PDE10A: variants seen among roughly 807,000 people sequenced by gnomAD.
PDE10A encodes the protein phosphodiesterase 10A.
In PDE10A, 39 loss-of-function variants were observed where a neutral mutation model predicts 97.7. The observed-to-expected ratio is 0.40, with a 90% CI of 0.31 to 0.52. PDE10A has a LOEUF of 0.52. Ranked by LOEUF, PDE10A falls within the 20% of genes least tolerant of loss-of-function variation. The probability of loss-of-function intolerance (pLI) is 0.56; values close to 1 mark genes in which losing one functional copy is unlikely to be tolerated. For synonymous variants in PDE10A, 371 were observed against 376.8 expected, an observed-to-expected ratio of 0.98 and a Z score of 0.18; for missense variants, 731 against 1,047.8, an observed-to-expected ratio of 0.70 and a Z score of 4.17.
intron 1 of PDE10A, among the ~76,000 whole-genome samples, chr6:165,893,053 C>T (rs1041018548): frequency 1.3e-5 from 2 of 152,162 alleles, no homozygotes; most frequent in East Asian, 1.9e-4. Context: ...GTGGAATAGA[C>T]AGATGCATGA....
chr6:165,776,579 C>A (rs1446546099), intron 1 of PDE10A, among the ~76,000 whole-genome samples: 1 of 152,208 alleles, frequency 6.6e-6, no homozygotes, highest in Admixed American at 6.5e-5. Flanking sequence ...CTTACATTTG[C>A]AGAACACTCT....
At chr6:165,722,701 T>C (rs1792194449) in intron 1 of PDE10A, among the ~76,000 whole-genome samples, 1 of 152,166 alleles carries the variant, frequency 6.6e-6, no homozygotes, top group Non-Finnish European at 1.5e-5. Context: ...TGGGAGATGG[T>C]GTCTACTGTA....
rs374691519 is a variant in PDE10A, at chr6:165,885,225, G to A, written c.-615+102304C>T. On this transcript the variant is annotated intron_variant, in intron 1 of 19. Coordinates refer to the PDE10A transcript ENST00000366882. ...TGCTTTAAAGGACTACCGGAGACTG[G>A]GTAATTTATAAAGAAAAGACTCACA... Among the ~76,000 whole-genome samples the A allele has an allele frequency of 3.9e-5, 6 of 152,266 alleles. No individual in the cohort carries two copies. The South Asian group carries it at 1.2e-3, about 32-fold the overall frequency.
chr6:165,379,437 T>C, intron 17 of PDE10A, 71 bp from the exon 18 acceptor site: 1 of 1,234,640 alleles, frequency 8.1e-7, no homozygotes, highest in Non-Finnish European at 1.1e-6. Context: ...TTTTTAGTTA[T>C]TTGAAACTAT....
At chr6:165,426,233 G>A (rs1256779537) in intron 10 of PDE10A, among the ~76,000 whole-genome samples, 1 of 152,058 alleles carries the variant, frequency 6.6e-6, no homozygotes, top group Non-Finnish European at 1.5e-5. Flanking sequence ...GTACCCAGAA[G>A]AGCTAAAAGA....
At chr6:165,333,670 A>T (rs1781473437) in intron 21 of PDE10A, among the ~76,000 whole-genome samples, 2 of 152,230 alleles carry the variant, frequency 1.3e-5, no homozygotes, top group South Asian at 4.1e-4. Context: ...TTGTTACAGT[A>T]AAACCGTGTT....
intron 1 of PDE10A, among the ~76,000 whole-genome samples, chr6:165,625,415 C>T (rs1251505357): frequency 6.6e-6 from 1 of 152,200 alleles, no homozygotes; most frequent in African/African-American, 2.4e-5. Context: ...CCAAGAATGA[C>T]CTCAAAGACT....
rs1781287767 is a variant in PDE10A, at chr6:165,330,607, C to G, written c.*2418G>C. The G allele has an allele frequency of 6.6e-6, 1 of 152,102 alleles. No individual in the cohort carries two copies. The highest frequency in any genetic ancestry group is 1.5e-5 in the Non-Finnish European group (1 of 67,986). The allele number at this position is 152,102 out of a possible 1,614,324, so 9.4% of individuals were successfully genotyped here. A position where few individuals can be genotyped will look rare whatever the true frequency, so the allele number is the denominator to read the frequency against. Reference sequence around the variant, plus strand: ...CAAGAAATTAACCAACCAGTAAATCCAATCACATTCCTTTGGGAAACTGTT... The same window carrying G: ...CAAGAAATTAACCAACCAGTAAATCGAATCACATTCCTTTGGGAAACTGTT... On this transcript the variant is annotated 3_prime_UTR_variant, in exon 22 of 22. Transcript: ENST00000539869.
chr6:165,783,209 C>G lies in PDE10A; in HGVS notation c.-615+204320G>C, dbSNP rs183186245. On this transcript the variant is annotated intron_variant, in intron 1 of 19. Coordinates refer to the PDE10A transcript ENST00000366882. The stretch of plus-strand genomic sequence containing the variant: ...TTACTAGTGGCTGCTAAAGTAATAA[C>G]AGAGGGCACCTCATCACACTTGTCA... Among the ~76,000 whole-genome samples the G allele has an allele frequency of 4.1e-3, 629 of 152,316 alleles. 1 individual carries two copies. Among genetic ancestry groups the G allele is most frequent in the African/African-American group, 0.014 (594 of 41,562 alleles).
chr6:165,958,716 GAAGA>G (rs58415177), intron 1 of PDE10A, among the ~76,000 whole-genome samples: 35 of 58,838 alleles, frequency 5.9e-4, no homozygotes, highest in Middle Eastern at 7.5e-3. Context: ...AAGAAAGAGA[GAAGA>G]AAGAAAGAAA....
chr6:165,650,716 T>C (rs1324464351), intron 1 of PDE10A, among the ~76,000 whole-genome samples: 1 of 152,074 alleles, frequency 6.6e-6, no homozygotes, highest in Middle Eastern at 3.2e-3. Flanking sequence ...TATGTCTGAG[T>C]AATAAATATC....
At chr6:165,456,276 T>A (rs1777950564) in intron 3 of PDE10A, among the ~76,000 whole-genome samples, 1 of 152,200 alleles carries the variant, frequency 6.6e-6, no homozygotes, top group Non-Finnish European at 1.5e-5. Context: ...AACACCTAGA[T>A]CCAGCCAAGC....
At chr6:165,438,182 A>AT (rs1196345038) in intron 5 of PDE10A, among the ~76,000 whole-genome samples, 9 of 151,820 alleles carry the variant, frequency 5.9e-5, no homozygotes, top group African/African-American at 2.2e-4. Context: ...GCTTTTTTTA[A>AT]TTTTTAATTT....
Position 165,691,115 on chromosome 6 carries a change from C to CG in PDE10A, c.-614-147548_-614-147547insC, listed in dbSNP as rs1308047607. 9.4e-5 allele frequency among the ~76,000 whole-genome samples: 10 copies of CG among 106,716 alleles called. 1 individual carries two copies. The highest frequency in any genetic ancestry group is 1.4e-4 in the Non-Finnish European group (7 of 50,226). The allele number at this position is 106,716 out of a possible 152,430, so 70.0% of individuals were successfully genotyped here. ...TCTCTCTCTTTCTCTCTCCCCCCCCCCATCAGTGCCTGTGGTCACATAAGC... is the reference window on the plus strand; with the variant it reads ...TCTCTCTCTTTCTCTCTCCCCCCCCCGCATCAGTGCCTGTGGTCACATAAGC... On this transcript the variant is annotated intron_variant, in intron 1 of 19. Coordinates refer to the PDE10A transcript ENST00000366882.
At chr6:165,457,688 AAC>A (rs1778041491) in intron 3 of PDE10A, among the ~76,000 whole-genome samples, 1 of 152,308 alleles carries the variant, frequency 6.6e-6, no homozygotes, top group Admixed American at 6.5e-5. Flanking sequence ...GGGCATTTGG[AAC>A]ACAGTTTGGG....
intron 1 of PDE10A, among the ~76,000 whole-genome samples, chr6:165,727,039 G>A (rs1393923687): frequency 6.6e-6 from 1 of 152,202 alleles, no homozygotes; most frequent in African/African-American, 2.4e-5. Flanking sequence ...GAGCACGTGG[G>A]GATTCTCCTG....
At chr6:165,828,636 T>C (rs1779826057) in intron 1 of PDE10A, among the ~76,000 whole-genome samples, 1 of 152,234 alleles carries the variant, frequency 6.6e-6, no homozygotes, top group East Asian at 1.9e-4. Context: ...GTGGATAAGC[T>C]GCAGTTTGAA....
chr6:165,675,025 G>A (rs746621467), intron 1 of PDE10A, among the ~76,000 whole-genome samples: 7 of 152,186 alleles, frequency 4.6e-5, no homozygotes, highest in Non-Finnish European at 1.0e-4. Context: ...AAGCCTCAAC[G>A]TTTTCAAGCT....
intron 1 of PDE10A, among the ~76,000 whole-genome samples, chr6:165,800,235 A>G (rs1183444470): frequency 1.3e-5 from 2 of 152,006 alleles, no homozygotes; most frequent in Non-Finnish European, 1.5e-5. Flanking sequence ...GAAAAAAGAG[A>G]GCTTAGGTGT....
Sources: allele counts gnomAD v4.1 joint callset (sites outside exome capture counted in the v4.1 genomes callset), GRCh38; gene constraint gnomAD v4.1.1; transcripts MANE v1.5; gene names NCBI Gene and HGNC (gene_info 2026-07-23, HGNC 2026-07-21).